CEP162: variants seen among roughly 807,000 people sequenced by gnomAD.
CEP162 encodes centrosomal protein of 162 kDa.
CEP162 carries 141 observed loss-of-function variants against 169.2 expected under a neutral mutation model. That is an observed-to-expected ratio of 0.83 (90% CI 0.73 to 0.96). CEP162 has a LOEUF of 0.96. Ranked by LOEUF, CEP162 falls within the 40% of genes least tolerant of loss-of-function variation. CEP162 has a pLI of 0.00. For missense variants in CEP162, 1,600 were observed against 1,587.2 expected, an observed-to-expected ratio of 1.01 and a Z score of -0.14; for synonymous variants, 540 against 526.4, an observed-to-expected ratio of 1.03 and a Z score of -0.35.
At chr6:84,155,600 A>AGAT in intron 21 of CEP162, 90 bp from the exon 22 acceptor site, 1 of 828,340 alleles carries the variant, frequency 1.2e-6, no homozygotes. Flanking sequence ...AAATCTCTGT[A>AGAT]TACAGTAGCA....
chr6:84,156,496 G>A (rs993483381), intron 21 of CEP162, among the ~76,000 whole-genome samples: 1 of 151,976 alleles, frequency 6.6e-6, no homozygotes, highest in African/African-American at 2.4e-5. Context: ...CCAAATAAAT[G>A]CAAATTAAAA....
chr6:84,161,546 T>A lies in CEP162; in HGVS notation c.2676+200A>T, dbSNP rs115167619. ...GCAGGGTTTGGACCCCATGGGGGCC[T>A]GACAGGTTGTGATAAGGAGCTTATA... On this transcript the variant is annotated intron_variant, in intron 20 of 26. Transcript: ENST00000403245. 2.9e-3 allele frequency among the ~76,000 whole-genome samples: 440 copies of A among 152,254 alleles called. 1 individual carries two copies. The highest frequency in any genetic ancestry group is 9.9e-3 in the African/African-American group (411 of 41,548).
chr6:84,218,923 T>C (rs73487268), intron 3 of CEP162, among the ~76,000 whole-genome samples: 4,952 of 152,242 alleles, frequency 0.033, 301 homozygotes, highest in African/African-American at 0.11. Flanking sequence ...ACTAACCAAG[T>C]TCACAAGAGA....
chr6:84,129,646 C>T (rs191860814), intron 25 of CEP162, among the ~76,000 whole-genome samples: 17 of 151,608 alleles, frequency 1.1e-4, no homozygotes, highest in African/African-American at 3.6e-4. Flanking sequence ...CTGTTCACTC[C>T]GGTTTTTGCT....
intron 18 of CEP162, among the ~76,000 whole-genome samples, chr6:84,163,925 G>C (rs1172726651): frequency 6.7e-6 from 1 of 150,012 alleles, no homozygotes; most frequent in Non-Finnish European, 1.5e-5. Context: ...GCAACCTACA[G>C]AATGGGAGGA....
At chr6:84,215,105 A>C (rs2099551003) in intron 5 of CEP162, among the ~76,000 whole-genome samples, 177 bp downstream of exon 5, 2 of 152,248 alleles carry the variant, frequency 1.3e-5, no homozygotes, top group Non-Finnish European at 2.9e-5. Flanking sequence ...ATACCAAGAA[A>C]CATATTCTAC....
chr6:84,168,539 AG>A (rs1256561565), intron 18 of CEP162, among the ~76,000 whole-genome samples: 1 of 151,978 alleles, frequency 6.6e-6, no homozygotes, highest in Non-Finnish European at 1.5e-5. Context: ...TCATTCTCAA[AG>A]GGAGGGGTGG....
At chr6:84,178,695 A>G (rs2099533411) in intron 13 of CEP162, among the ~76,000 whole-genome samples, 1 of 152,134 alleles carries the variant, frequency 6.6e-6, no homozygotes, top group Admixed American at 6.6e-5. Context: ...GTTCTAGGGT[A>G]CATGTGCACA....
At chr6:84,215,106 C>CAT (rs1457871651) in intron 5 of CEP162, among the ~76,000 whole-genome samples, 176 bp downstream of exon 5, 1 of 152,144 alleles carries the variant, frequency 6.6e-6, no homozygotes, top group Non-Finnish European at 1.5e-5. Flanking sequence ...TACCAAGAAA[C>CAT]ATATTCTACT....
At position 84,218,346 on chromosome 6, in the gene CEP162, AG is replaced by A. The variant is rs1277293267; in HGVS notation, c.173-2425del. ...GCCTAAGAGGAAATAAGCCCAGAGC[AG>A]GAAGTCAATGGTTGGACCGTGCTCG... On this transcript the variant is annotated intron_variant, in intron 3 of 26. Transcript: ENST00000403245. 2.0e-5 allele frequency among the ~76,000 whole-genome samples: 3 copies of A among 152,340 alleles called. No homozygotes were observed. In the East Asian group the frequency reaches 5.8e-4, roughly 29 times the overall value.
At chr6:84,146,606 G>T in intron 25 of CEP162, 81 bp downstream of exon 25, 1 of 622,386 alleles carries the variant, frequency 1.6e-6, no homozygotes, top group Non-Finnish European at 2.8e-6. Flanking sequence ...TGTACATTTA[G>T]GTAAAAAATT....
chr6:84,156,771 CAA>C (rs1491257189), intron 21 of CEP162, among the ~76,000 whole-genome samples: 33 of 151,664 alleles, frequency 2.2e-4, no homozygotes, highest in African/African-American at 7.0e-4. Context: ...CACACACACA[CAA>C]ACACACTATT....
intron 16 of CEP162, among the ~76,000 whole-genome samples, chr6:84,172,188 G>A (rs1157001686): frequency 1.3e-5 from 2 of 152,166 alleles, no homozygotes; most frequent in Non-Finnish European, 2.9e-5. Context: ...ATGTACCTAC[G>A]GGTGCTCATA....
intron 13 of CEP162, among the ~76,000 whole-genome samples, chr6:84,176,074 G>A (rs764856218): frequency 1.3e-4 from 19 of 151,878 alleles, no homozygotes; most frequent in Non-Finnish European, 1.9e-4. Flanking sequence ...GGATCCTAAG[G>A]TCCATATTCA....
intron 21 of CEP162, among the ~76,000 whole-genome samples, chr6:84,156,948 C>T (rs2099523471): frequency 6.6e-6 from 1 of 151,970 alleles, no homozygotes; most frequent in South Asian, 2.1e-4. Flanking sequence ...ATAACAGACA[C>T]TGGAGACTAC....
chr6:84,135,708 C>T (rs774124330), intron 25 of CEP162, among the ~76,000 whole-genome samples: 12 of 152,046 alleles, frequency 7.9e-5, no homozygotes, highest in Non-Finnish European at 1.8e-4. Context: ...ACTAAAAACA[C>T]AAAAATTAGC....
rs1433739626 is a variant in CEP162, at chr6:84,220,908, C to G, written c.172+149G>C. 4 of 484,078 alleles carry G rather than the reference C, an allele frequency of 8.3e-6. No individual in the cohort carries two copies. The Admixed American group carries it at 1.5e-4, about 19-fold the overall frequency. The allele number at this position is 484,078 out of a possible 1,614,324, so 30.0% of individuals were successfully genotyped here. A position where few individuals can be genotyped will look rare whatever the true frequency, so the allele number is the denominator to read the frequency against. On this transcript the variant is annotated intron_variant, in intron 3 of 26. Coordinates refer to ENST00000403245, the MANE Select transcript of CEP162 (RefSeq NM_014895.4). ...TACATAATAAATACATAATAAAGTA[C>G]TGGTTATATGAAAATCAATTCAAAC...
intron 17 of CEP162, among the ~76,000 whole-genome samples, chr6:84,170,571 C>T (rs905626688): frequency 2.0e-5 from 3 of 151,970 alleles, no homozygotes; most frequent in Non-Finnish European, 4.4e-5. Context: ...ATTAGCAGCC[C>T]TGCCTCTTAG....
chr6:84,189,525 A>G lies in CEP162; in HGVS notation c.1110-2902T>C, dbSNP rs889134311. ...ACTTAGCACCCGGGCCAGTGGCTGC[A>G]GAGGGTGTACTGAGTCCCCCAGCAG... On this transcript the variant is annotated intron_variant, in intron 11 of 26. Coordinates refer to ENST00000403245, the MANE Select transcript of CEP162 (RefSeq NM_014895.4). Among the ~76,000 whole-genome samples, 203 of 152,300 alleles carry G rather than the reference A, an allele frequency of 1.3e-3. 2 individuals are homozygous for G. Among genetic ancestry groups the G allele is most frequent in the Non-Finnish European group, 6.2e-4 (42 of 68,010 alleles).
Sources: allele counts gnomAD v4.1 joint callset (sites outside exome capture counted in the v4.1 genomes callset), GRCh38; gene constraint gnomAD v4.1.1; transcripts MANE v1.5; gene names NCBI Gene and HGNC (gene_info 2026-07-23, HGNC 2026-07-21).